B4GALT5: variants seen among roughly 807,000 people sequenced by gnomAD.
B4GALT5 encodes UDP-Gal:beta-GlcNAc beta-1,4-galactosyltransferase 5.
B4GALT5 carries 11 observed loss-of-function variants against 45.0 expected under a neutral mutation model. The ratio of observed to expected loss-of-function variants is 0.24; its 90% CI spans 0.15 to 0.40. The LOEUF is 0.40. Ranked by LOEUF, B4GALT5 falls within the 10% of genes least tolerant of loss-of-function variation. B4GALT5 has a pLI of 1.00. For missense variants in B4GALT5, 337 were observed against 500.2 expected (o/e 0.67, Z 3.11); for synonymous variants, 185 against 182.9 (o/e 1.01, Z -0.09).
At chr20:49,674,217 A>G in intron 1 of B4GALT5, among the ~76,000 whole-genome samples, 1 of 149,262 alleles carries the variant, frequency 6.7e-6, no homozygotes. Context: ...GCGACAGAGC[A>G]AGACTCCATC....
chr20:49,657,950 G>A (rs1480948971), intron 1 of B4GALT5, among the ~76,000 whole-genome samples: 1 of 152,110 alleles, frequency 6.6e-6, no homozygotes, highest in Non-Finnish European at 1.5e-5. Context: ...AAAACCCCAC[G>A]TGGCCAACAT....
chr20:49,656,752 T>A (rs1205371053), intron 1 of B4GALT5, 50 bp from the exon 2 acceptor site: 2 of 1,610,892 alleles, frequency 1.2e-6, no homozygotes, highest in African/African-American at 1.3e-5. Flanking sequence ...AGCAATCATT[T>A]AAAAAAACAT....
intron 1 of B4GALT5, among the ~76,000 whole-genome samples, chr20:49,704,501 C>T (rs927232282): frequency 1.3e-5 from 2 of 151,884 alleles, no homozygotes; most frequent in East Asian, 1.9e-4. Flanking sequence ...GGGCGGATCA[C>T]GAGGTCAGGA....
intron 2 of B4GALT5, among the ~76,000 whole-genome samples, chr20:49,652,430 G>T (rs2085626294): frequency 6.6e-6 from 1 of 151,502 alleles, no homozygotes; most frequent in Non-Finnish European, 1.5e-5. Flanking sequence ...ACAAATATCT[G>T]TGAAATATAA....
chr20:49,651,082 C>A (rs2649674), intron 2 of B4GALT5, among the ~76,000 whole-genome samples: 20 of 151,944 alleles, frequency 1.3e-4, no homozygotes, highest in Admixed American at 7.2e-4. Context: ...TCAGGAGTTC[C>A]AGACCAGCCT....
intron 1 of B4GALT5, among the ~76,000 whole-genome samples, chr20:49,711,641 T>G (rs2085912360): frequency 6.6e-6 from 1 of 152,216 alleles, no homozygotes; most frequent in Admixed American, 6.5e-5. Context: ...AGTTATCTCT[T>G]CTTGTTCTGC....
chr20:49,678,689 C>A lies in B4GALT5; in HGVS notation c.116-21987G>T, dbSNP rs576053318. Among the ~76,000 whole-genome samples, 20 of 152,266 alleles carry A rather than the reference C, an allele frequency of 1.3e-4. No individual in the cohort carries two copies. In the South Asian group the frequency reaches 1.7e-3, roughly 13 times the overall value. ...CTCTCAAACTTCCTCCTAACACAAG[C>A]CTTAATCAATATTAAGGGTTAAAAG... On this transcript the variant is annotated intron_variant, in intron 1 of 8. Coordinates refer to ENST00000371711, the MANE Select transcript of B4GALT5 (RefSeq NM_004776.4).
At chr20:49,710,405 C>CTCTTTT (rs60154358) in intron 1 of B4GALT5, among the ~76,000 whole-genome samples, 88 of 102,388 alleles carry the variant, frequency 8.6e-4, no homozygotes, top group African/African-American at 1.7e-3. Flanking sequence ...TTTTCTCTCT[C>CTCTTTT]TTTTTTTTTT....
At chr20:49,691,838 A>G (rs1438636526) in intron 1 of B4GALT5, among the ~76,000 whole-genome samples, 1 of 152,174 alleles carries the variant, frequency 6.6e-6, no homozygotes, top group African/African-American at 2.4e-5. Context: ...CACTGAATGT[A>G]TTATTTTTAA....
intron 2 of B4GALT5, among the ~76,000 whole-genome samples, chr20:49,649,112 G>A (rs2085610770): frequency 1.3e-5 from 2 of 152,108 alleles, no homozygotes; most frequent in Non-Finnish European, 2.9e-5. Flanking sequence ...CCTACTCTGC[G>A]CTGCCTACTC....
At chr20:49,663,984 T>G (rs1471845177) in intron 1 of B4GALT5, among the ~76,000 whole-genome samples, 1 of 151,966 alleles carries the variant, frequency 6.6e-6, no homozygotes, top group African/African-American at 2.4e-5. Context: ...TTGAAGAGGA[T>G]AGTCAAAACA....
intron 1 of B4GALT5, among the ~76,000 whole-genome samples, chr20:49,710,794 CCTT>C (rs1444046837): frequency 6.6e-6 from 1 of 152,066 alleles, no homozygotes; most frequent in Non-Finnish European, 1.5e-5. Flanking sequence ...CACAAAACAA[CCTT>C]CTATTTCTCC....
At chr20:49,687,621 G>A (rs1045738361) in intron 1 of B4GALT5, among the ~76,000 whole-genome samples, 2 of 152,070 alleles carry the variant, frequency 1.3e-5, no homozygotes, top group African/African-American at 4.8e-5. Context: ...TCCAGCCTGG[G>A]TAACAGAGCA....
intron 7 of B4GALT5, among the ~76,000 whole-genome samples, chr20:49,638,414 G>T (rs889280866): frequency 3.9e-5 from 6 of 152,196 alleles, no homozygotes; most frequent in Non-Finnish European, 5.9e-5. Context: ...ATACCAGGTA[G>T]TATTTTGCAT....
At position 49,646,970 on chromosome 20, in the gene B4GALT5, G is replaced by A; in HGVS notation, c.359C>T (p.Ser120Phe). ...CAGGCCAGAGCTGTACTCACTCATG[G>A]AAGGGAGTCTTTCAGGGCAGGTATG... is the stretch of plus-strand genomic sequence containing the variant. ...ANHTCPERLP[S>F]MKGPIDINMS... is the part of the protein sequence containing the mutation. The change falls in exon 3 of 9, where the codon TCC becomes TTC. Residue 120 changes from serine to phenylalanine, a missense_variant. Transcript: ENST00000371711. The A allele has an allele frequency of 6.2e-7, 1 of 1,603,338 alleles. No homozygotes were observed. The highest frequency in any genetic ancestry group is 8.5e-7 in the Non-Finnish European group (1 of 1,170,374).
chr20:49,688,574 C>T (rs933012339), intron 1 of B4GALT5, among the ~76,000 whole-genome samples: 9 of 152,088 alleles, frequency 5.9e-5, no homozygotes, highest in African/African-American at 1.9e-4. Context: ...CATCTAGGGT[C>T]GCTACAATTT....
intron 1 of B4GALT5, among the ~76,000 whole-genome samples, chr20:49,672,721 G>A (rs2085721067): frequency 6.6e-6 from 1 of 152,220 alleles, no homozygotes; most frequent in Admixed American, 6.5e-5. Context: ...TAAGGAGTCA[G>A]GCAAGGTGGC....
intron 1 of B4GALT5, among the ~76,000 whole-genome samples, chr20:49,683,736 G>A (rs181143335): frequency 6.6e-6 from 1 of 152,074 alleles, no homozygotes; most frequent in Non-Finnish European, 1.5e-5. Flanking sequence ...CTAGTCAGCT[G>A]AATGACCTTT....
In B4GALT5 at chr20:49,667,283, G is replaced by A. The variant is rs144632790; in HGVS notation, c.116-10581C>T. ...GTTGTTTTTTTTGAGACGGACTCTCGCTGTCACCCAGGCTGGAGTGCAGTG... is the reference window on the plus strand; with the variant it reads ...GTTGTTTTTTTTGAGACGGACTCTCACTGTCACCCAGGCTGGAGTGCAGTG... On this transcript the variant is annotated intron_variant, in intron 1 of 8. Coordinates refer to ENST00000371711, the MANE Select transcript of B4GALT5 (RefSeq NM_004776.4). Among the ~76,000 whole-genome samples the A allele has an allele frequency of 9.2e-4, 135 of 146,814 alleles. 1 individual carries two copies. Among genetic ancestry groups the A allele is most frequent in the African/African-American group, 3.2e-3 (129 of 39,764 alleles).
Sources: gnomAD v4.1 joint callset for allele counts (sites outside exome capture counted in the v4.1 genomes callset) on GRCh38, gnomAD v4.1.1 for gene constraint, MANE v1.5 for transcripts, NCBI Gene and HGNC (gene_info 2026-07-23, HGNC 2026-07-21) for gene names.